The following CPPED1 variants were observed in gnomAD, a reference collection of about 807,000 sequenced individuals.
The protein encoded by CPPED1 is calcineurin like phosphoesterase domain containing 1.
CPPED1 carries 28 observed loss-of-function variants against 28.0 expected under a neutral mutation model. That is an observed-to-expected ratio of 1.00 (90% CI 0.74 to 1.37). The LOEUF is 1.37. Among genes scored for constraint, CPPED1 ranks in the 40% most tolerant of loss-of-function variants. The pLI is 0.00. For missense variants in CPPED1, 504 were observed against 416.5 expected (o/e 1.21, Z -1.83); for synonymous variants, 198 against 180.2 (o/e 1.10, Z -0.79).
intron 2 of CPPED1, among the ~76,000 whole-genome samples, chr16:12,716,246 A>C (rs904571413): frequency 3.3e-5 from 5 of 152,234 alleles, no homozygotes; most frequent in Admixed American, 2.0e-4. Context: ...TACCTTCTTT[A>C]GCGCTAACGC....
At chr16:12,727,087 C>T (rs1237413739) in intron 2 of CPPED1, among the ~76,000 whole-genome samples, 4 of 152,140 alleles carry the variant, frequency 2.6e-5, no homozygotes, top group South Asian at 2.1e-4. Flanking sequence ...AAATAACTCT[C>T]GCAGGCTTTA....
chr16:12,797,571 G>A (rs1438326935), intron 1 of CPPED1, among the ~76,000 whole-genome samples: 1 of 151,934 alleles, frequency 6.6e-6, no homozygotes, highest in Non-Finnish European at 1.5e-5. Flanking sequence ...AAATTTTAAA[G>A]CAGGCAAGGC....
rs2079793648 is a variant in CPPED1 at position 12,661,400 on chromosome 16, T to G, written c.*3486A>C. ...CTAGTCCCATAAAGCTTACTACATTTTTTCCCCATTCTCCCCAAACTTAGG... is the reference window on the plus strand; with the variant it reads ...CTAGTCCCATAAAGCTTACTACATTGTTTCCCCATTCTCCCCAAACTTAGG... On this transcript the variant is annotated 3_prime_UTR_variant, in exon 4 of 4. Transcript: ENST00000381774. The G allele has an allele frequency of 6.6e-6, 1 of 152,168 alleles. No individual in the cohort carries two copies. Among genetic ancestry groups the G allele is most frequent in the South Asian group, 2.1e-4 (1 of 4,824 alleles). The allele number at this position is 152,168 out of a possible 1,614,324, so 9.4% of individuals were successfully genotyped here.
At chr16:12,724,818 ACT>A (rs2080161085) in intron 2 of CPPED1, among the ~76,000 whole-genome samples, 1 of 151,852 alleles carries the variant, frequency 6.6e-6, no homozygotes, top group African/African-American at 2.4e-5. Flanking sequence ...ACGGAGTGTC[ACT>A]CTGTCACCCA....
At chr16:12,789,771 C>T (rs1364945593) in intron 1 of CPPED1, among the ~76,000 whole-genome samples, 1 of 152,132 alleles carries the variant, frequency 6.6e-6, no homozygotes, top group Non-Finnish European at 1.5e-5. Flanking sequence ...GAGTGATCAG[C>T]TCACCTTGAC....
intron 1 of CPPED1, among the ~76,000 whole-genome samples, chr16:12,795,008 A>G (rs1204127985): frequency 2.0e-5 from 3 of 152,222 alleles, no homozygotes; most frequent in African/African-American, 7.2e-5. Context: ...ACATTTCCAG[A>G]ACCTCTCTCA....
chr16:12,757,488 G>A (rs1052161822), intron 2 of CPPED1: 7 of 151,086 alleles, frequency 4.6e-5, no homozygotes, highest in Admixed American at 2.0e-4. Context: ...GTATTTTACA[G>A]ATAGAGCCTC....
chr16:12,726,340 CTTTT>C (rs35865113), intron 2 of CPPED1, among the ~76,000 whole-genome samples: 14 of 107,362 alleles, frequency 1.3e-4, no homozygotes, highest in East Asian at 2.8e-4. Flanking sequence ...GCACCCAGCC[CTTTT>C]TTTTTTTTTT....
chr16:12,704,828 G>A lies in CPPED1; in HGVS notation c.511C>T (p.Pro171Ser). 2 of 1,614,206 alleles carry A rather than the reference G, an allele frequency of 1.2e-6. No homozygotes were observed. The highest frequency in any genetic ancestry group is 2.2e-5 in the East Asian group (1 of 44,882). The change falls in exon 3 of 4, where the codon CCC (proline) becomes TCC (serine). Residue 171 changes from proline to serine, a missense_variant. Physicochemically the swap from Pro to Ser is moderately conservative, Grantham distance 74. Coordinates refer to ENST00000381774, the MANE Select transcript of CPPED1 (RefSeq NM_018340.3). ...LVLNSQFYEN[P>S]SKCPSLKQAQ... ...TGCTTCAGGCTGGGGCATTTGGAGGGGTTCTCGTAGAACTGGGAGTTGAGG... is the reference window on the plus strand; with the variant it reads ...TGCTTCAGGCTGGGGCATTTGGAGGAGTTCTCGTAGAACTGGGAGTTGAGG...
In CPPED1 at chr16:12,664,979, G is replaced by T; in HGVS notation, c.852C>A (p.Thr284=). 2 of 1,611,188 alleles carry T rather than the reference G, an allele frequency of 1.2e-6. No individual in the cohort carries two copies. The highest frequency in any genetic ancestry group is 1.7e-6 in the Non-Finnish European group (2 of 1,179,054). The stretch of plus-strand genomic sequence containing the variant: ...AGTATCGGTGAACAATTTTCTCGGC[G>T]GTGACCACCACGACTCGGAGCCCGT... ...DPHGLRVVVV[T]AEKIVHRYYS... is the part of the protein sequence containing the mutation. Residue 284 remains threonine, a synonymous_variant, in exon 4 of 4, where the codon ACC becomes ACA. Coordinates refer to ENST00000381774, the MANE Select transcript of CPPED1 (RefSeq NM_018340.3). This position sits in a 1 kb window ranked among gnomAD's most constrained non-coding sequence, Gnocchi z 4.2.
intron 3 of CPPED1, among the ~76,000 whole-genome samples, chr16:12,667,930 G>T (rs1299401475): frequency 6.6e-5 from 10 of 152,132 alleles, no homozygotes; most frequent in Admixed American, 6.5e-4. Flanking sequence ...CTGACATATG[G>T]TGCAATAAAA....
intron 1 of CPPED1, among the ~76,000 whole-genome samples, chr16:12,797,743 A>G (rs1229653420): frequency 1.3e-5 from 2 of 152,014 alleles, no homozygotes; most frequent in African/African-American, 4.8e-5. Flanking sequence ...AACTTTTAAG[A>G]AAGTTTAGGA....
chr16:12,740,054 G>C (rs935224342), intron 2 of CPPED1, among the ~76,000 whole-genome samples: 1 of 149,578 alleles, frequency 6.7e-6, no homozygotes, highest in Admixed American at 6.7e-5. Context: ...GAAAAGAAAA[G>C]GAAGGAGAAA....
intron 2 of CPPED1, among the ~76,000 whole-genome samples, chr16:12,744,889 G>A (rs893864515): frequency 3.3e-5 from 5 of 152,136 alleles, no homozygotes; most frequent in African/African-American, 9.7e-5. Context: ...AAGGCTGAGA[G>A]TATGGGAGGA....
rs369587916 is a variant in CPPED1 at position 12,719,307 on chromosome 16, C to T, written c.290-14258G>A. ...TCGGGAAGCTGAGGCAGGAGAATGG[C>T]GTGAACCCAGGAGGCGGAGCTTGCA... On this transcript the variant is annotated intron_variant, in intron 2 of 3. Transcript: ENST00000381774. 6.0e-5 allele frequency among the ~76,000 whole-genome samples: 9 copies of T among 150,010 alleles called. No homozygotes were observed. The South Asian group carries it at 8.5e-4, about 14-fold the overall frequency.
intron 3 of CPPED1, among the ~76,000 whole-genome samples, chr16:12,690,495 T>C (rs1199991391): frequency 1.3e-5 from 2 of 149,460 alleles, no homozygotes; most frequent in Non-Finnish European, 3.0e-5. Flanking sequence ...GCCTGGGCAA[T>C]AGCGCAAGAC....
intron 3 of CPPED1, among the ~76,000 whole-genome samples, chr16:12,700,498 C>A (rs917021991): frequency 3.3e-5 from 5 of 152,222 alleles, no homozygotes; most frequent in African/African-American, 1.2e-4. Context: ...ACAAGCAATT[C>A]TCCTGCCTCA....
intron 2 of CPPED1, chr16:12,757,589 G>T (rs1269539859): frequency 6.9e-6 from 1 of 145,050 alleles, no homozygotes; most frequent in Non-Finnish European, 1.5e-5. Flanking sequence ...GCTAAGTAAT[G>T]TAAGGGGGCC....
At chr16:12,790,066 T>C (rs953777993) in intron 1 of CPPED1, among the ~76,000 whole-genome samples, 1 of 152,224 alleles carries the variant, frequency 6.6e-6, no homozygotes, top group Non-Finnish European at 1.5e-5. Flanking sequence ...GTAGGTTTTC[T>C]TTAAACATTA....
Sources: gnomAD v4.1 joint callset for allele counts (sites outside exome capture counted in the v4.1 genomes callset) on GRCh38, gnomAD v4.1.1 for gene constraint, Gnocchi (gnomAD v3.1) non-coding constraint, MANE v1.5 for transcripts, NCBI Gene and HGNC (gene_info 2026-07-23, HGNC 2026-07-21) for gene names.